SCAPER: variants seen among roughly 807,000 people sequenced by gnomAD.
SCAPER encodes S phase cyclin A-associated protein in the endoplasmic reticulum.
Under a neutral mutation model 182.2 loss-of-function variants are expected in SCAPER, and 98 were observed. The ratio of observed to expected loss-of-function variants is 0.54; its 90% CI spans 0.46 to 0.64. SCAPER has a LOEUF of 0.64. Ranked by LOEUF, SCAPER falls within the 30% of genes least tolerant of loss-of-function variation. The pLI is 0.00. For synonymous variants in SCAPER, 605 were observed against 564.6 expected (o/e 1.07, Z -1.01); for missense variants, 1,432 against 1,690.0 (o/e 0.85, Z 2.68).
At position 76,832,816 on chromosome 15, in the gene SCAPER, A is replaced by G. The variant is rs372931034; in HGVS notation, c.393+8918T>C. 2.6e-5 allele frequency among the ~76,000 whole-genome samples: 4 copies of G among 152,184 alleles called. No individual in the cohort carries two copies. In the South Asian group the frequency reaches 8.3e-4, roughly 31 times the overall value. On this transcript the variant is annotated intron_variant, in intron 5 of 31. Coordinates refer to ENST00000563290, the MANE Select transcript of SCAPER (RefSeq NM_020843.4). ...TGCTGCTCCCGTTTTGCCTTCTGCCATGAGTAAAAGCTCCCTGAGGCCTCC... is the reference window on the plus strand; with the variant it reads ...TGCTGCTCCCGTTTTGCCTTCTGCCGTGAGTAAAAGCTCCCTGAGGCCTCC...
chr15:76,472,432 G>A (rs191959385), intron 24 of SCAPER: 15 of 583,584 alleles, frequency 2.6e-5, no homozygotes, highest in Non-Finnish European at 4.1e-5. Flanking sequence ...CTATTTTTAC[G>A]AAGTTTTATA....
intron 10 of SCAPER, among the ~76,000 whole-genome samples, chr15:76,769,060 C>G (rs1432955346): frequency 6.6e-6 from 1 of 152,046 alleles, no homozygotes; most frequent in African/African-American, 2.4e-5. Flanking sequence ...AGGCAACCTA[C>G]AGAATGGAGA....
chr15:76,363,028 T>C (rs1321952507), intron 29 of SCAPER, among the ~76,000 whole-genome samples: 1 of 152,174 alleles, frequency 6.6e-6, no homozygotes, highest in Non-Finnish European at 1.5e-5. Context: ...CTTATGTCAC[T>C]GGGACCCCAG....
intron 1 of SCAPER, among the ~76,000 whole-genome samples, chr15:76,899,362 C>T (rs1389221551): frequency 6.6e-6 from 1 of 152,220 alleles, no homozygotes; most frequent in Non-Finnish European, 1.5e-5. Flanking sequence ...ATGGGTTTCG[C>T]CATGTTGACC....
At chr15:76,797,961 A>G (rs1026336245) in intron 7 of SCAPER, among the ~76,000 whole-genome samples, 7 of 152,130 alleles carry the variant, frequency 4.6e-5, no homozygotes, top group African/African-American at 1.7e-4. Context: ...TGATGTGCCA[A>G]TAAACAGGAA....
intron 14 of SCAPER, among the ~76,000 whole-genome samples, chr15:76,757,955 T>C (rs137868977): frequency 6.6e-6 from 1 of 152,336 alleles, no homozygotes; most frequent in Non-Finnish European, 1.5e-5. Context: ...GTCAGGCTGT[T>C]TTCTTGCCAT....
intron 8 of SCAPER, among the ~76,000 whole-genome samples, chr15:76,777,874 C>T (rs184840765): frequency 4.3e-4 from 65 of 152,226 alleles, no homozygotes; most frequent in African/African-American, 8.2e-4. Context: ...GGATTTAATA[C>T]ACTTACCCTA....
In SCAPER at chr15:76,874,184, G is replaced by A. The variant is rs116822492; in HGVS notation, c.6+9628C>T. ...GCTGGGATTACAGGCATGAGCTACC[G>A]CACCCTGCCAACCAATACATTTCTA... On this transcript the variant is annotated intron_variant, in intron 2 of 31. Transcript: ENST00000563290. Among the ~76,000 whole-genome samples, 1,163 of 152,190 alleles carry A rather than the reference G, an allele frequency of 7.6e-3. 19 individuals are homozygous for A. Among genetic ancestry groups the A allele is most frequent in the African/African-American group, 0.027 (1,103 of 41,514 alleles).
At chr15:76,418,926 T>C (rs2045833378) in intron 26 of SCAPER, among the ~76,000 whole-genome samples, 1 of 152,228 alleles carries the variant, frequency 6.6e-6, no homozygotes, top group Non-Finnish European at 1.5e-5. Context: ...GCTGCCTTCC[T>C]GGAGTCTGCC....
chr15:76,795,517 A>C (rs2065264577), intron 7 of SCAPER, 77 bp from the exon 8 acceptor site: 1 of 1,142,180 alleles, frequency 8.8e-7, no homozygotes, highest in African/African-American at 1.6e-5. Context: ...ATGTATTTAA[A>C]ATTTAAATTA....
In SCAPER at chr15:76,860,508, A is replaced by G. The variant is rs2071786313; in HGVS notation, c.124+1908T>C. Among the ~76,000 whole-genome samples, 9 of 152,322 alleles carry G rather than the reference A, an allele frequency of 5.9e-5. No individual in the cohort carries two copies. In the South Asian group the frequency reaches 1.9e-3, roughly 32 times the overall value. On this transcript the variant is annotated intron_variant, in intron 3 of 31. Coordinates refer to ENST00000563290, the MANE Select transcript of SCAPER (RefSeq NM_020843.4). ...CATTTAAAAATACTATAATGCCTCC[A>G]TAATTAAAATAGTATGACACACATG...
intron 21 of SCAPER, among the ~76,000 whole-genome samples, chr15:76,640,258 CTG>C (rs2053993509): frequency 1.3e-5 from 2 of 152,116 alleles, no homozygotes; most frequent in South Asian, 4.1e-4. Flanking sequence ...CTGAGACAAA[CTG>C]TTATATGGAT....
chr15:76,674,738 T>A (rs2057261152), intron 20 of SCAPER, among the ~76,000 whole-genome samples: 1 of 152,194 alleles, frequency 6.6e-6, no homozygotes, highest in Non-Finnish European at 1.5e-5. Flanking sequence ...AATAAATTTC[T>A]ATGTTCTTAA....
Position 76,679,531 on chromosome 15 carries a change from T to C in SCAPER, c.2509-13742A>G, listed in dbSNP as rs534973526. On this transcript the variant is annotated intron_variant, in intron 20 of 31. Transcript: ENST00000563290. Reference sequence around the variant, plus strand: ...ATGTCATTTTAATTATACAAAAGATTCAACTCTGCTAAGGTCCCTTTCCAC... The same window carrying C: ...ATGTCATTTTAATTATACAAAAGATCCAACTCTGCTAAGGTCCCTTTCCAC... 2.6e-5 allele frequency among the ~76,000 whole-genome samples: 4 copies of C among 152,332 alleles called. No homozygotes were observed. In the South Asian group the frequency reaches 6.2e-4, roughly 24 times the overall value.
At chr15:76,755,737 G>A (rs2062382864) in intron 14 of SCAPER, among the ~76,000 whole-genome samples, 1 of 152,138 alleles carries the variant, frequency 6.6e-6, no homozygotes, top group Non-Finnish European at 1.5e-5. Flanking sequence ...ACTCTCTTAG[G>A]TACTTTTTCC....
intron 5 of SCAPER, among the ~76,000 whole-genome samples, chr15:76,831,841 C>T (rs1025546676): frequency 3.9e-5 from 6 of 152,120 alleles, no homozygotes; most frequent in African/African-American, 1.4e-4. Flanking sequence ...TTCCAGCCCC[C>T]CAGGGTTAGA....
chr15:76,721,850 T>C (rs577823633), intron 17 of SCAPER, among the ~76,000 whole-genome samples: 8 of 152,312 alleles, frequency 5.3e-5, no homozygotes, highest in African/African-American at 1.9e-4. Context: ...GTTTTCTAGA[T>C]ATACAATCAT....
chr15:76,861,087 A>G (rs895045064), intron 3 of SCAPER, among the ~76,000 whole-genome samples: 1 of 152,208 alleles, frequency 6.6e-6, no homozygotes, highest in Non-Finnish European at 1.5e-5. Context: ...TCTTCCTTAT[A>G]TTAGAAGGCT....
At chr15:76,455,804 C>T (rs2048689209) in intron 25 of SCAPER, among the ~76,000 whole-genome samples, 1 of 152,146 alleles carries the variant, frequency 6.6e-6, no homozygotes, top group Admixed American at 6.5e-5. Context: ...AGGTTTTTGT[C>T]CTAATGCTCT....
Sources: gnomAD v4.1 joint callset for allele counts (sites outside exome capture counted in the v4.1 genomes callset) on GRCh38, gnomAD v4.1.1 for gene constraint, MANE v1.5 for transcripts, NCBI Gene and HGNC (gene_info 2026-07-23, HGNC 2026-07-21) for gene names.